The following CSMD1 variants were observed in gnomAD, a reference collection of about 807,000 sequenced individuals.
The protein encoded by CSMD1 is CUB and Sushi multiple domains 1, also known as CUB and sushi domain-containing protein 1.
CSMD1 carries 213 observed loss-of-function variants against 417.5 expected under a neutral mutation model. The ratio of observed to expected loss-of-function variants is 0.51; its 90% CI spans 0.46 to 0.57. CSMD1 has a LOEUF of 0.57. Ranked by LOEUF, CSMD1 falls within the 20% of genes least tolerant of loss-of-function variation. The pLI, the probability that CSMD1 is intolerant of heterozygous loss-of-function variation, is 0.00. For synonymous variants in CSMD1, 2,862 were observed against 1,736.8 expected, an observed-to-expected ratio of 1.65 and a Z score of -16.11; for missense variants, 6,923 against 4,529.7, an observed-to-expected ratio of 1.53 and a Z score of -15.17.
In CSMD1 at chr8:3,047,041, C is replaced by T. The variant is rs748505866; in HGVS notation, c.7660+5421G>A. Reference sequence around the variant, plus strand: ...TGGCCAACATGGTGAAACCCTGTCTCTTCTAAAAATACAAAAATTAGCTGG... The same window carrying T: ...TGGCCAACATGGTGAAACCCTGTCTTTTCTAAAAATACAAAAATTAGCTGG... On this transcript the variant is annotated intron_variant, in intron 50 of 69. Coordinates refer to ENST00000635120, the MANE Select transcript of CSMD1 (RefSeq NM_033225.6). Among the ~76,000 whole-genome samples the T allele has an allele frequency of 7.6e-4, 116 of 151,950 alleles. 1 individual carries two copies. Among genetic ancestry groups the T allele is most frequent in the Non-Finnish European group, 1.8e-4 (12 of 67,984 alleles).
intron 5 of CSMD1, among the ~76,000 whole-genome samples, chr8:3,852,066 T>G (rs751353720): frequency 4.6e-5 from 7 of 152,178 alleles, no homozygotes; most frequent in Non-Finnish European, 1.0e-4. Flanking sequence ...TGAGGCAGAC[T>G]GGAGGAGATC....
At chr8:4,458,475 G>T (rs1157784967) in intron 2 of CSMD1, among the ~76,000 whole-genome samples, 1 of 152,066 alleles carries the variant, frequency 6.6e-6, no homozygotes, top group Non-Finnish European at 1.5e-5. Context: ...AACTACTATT[G>T]CTAAGCATGC....
At chr8:3,857,046 T>C (rs1345431153) in intron 5 of CSMD1, among the ~76,000 whole-genome samples, 1 of 152,176 alleles carries the variant, frequency 6.6e-6, no homozygotes, top group Non-Finnish European at 1.5e-5. Context: ...CGAGGGCTTC[T>C]TGTATATCCC....
At chr8:3,142,251 G>A (rs1818549246) in intron 41 of CSMD1, among the ~76,000 whole-genome samples, 1 of 152,162 alleles carries the variant, frequency 6.6e-6, no homozygotes. Flanking sequence ...CTGGGCAGCA[G>A]AAAAGGCGAA....
Position 4,914,958 on chromosome 8 carries a change from A to T in CSMD1, c.85+79374T>A, listed in dbSNP as rs182043944. Reference sequence around the variant, plus strand: ...CAAAGAAAATGATGATGATGATGAAACGCATTCCGTTTCATGTGAAATTAC... The same window carrying T: ...CAAAGAAAATGATGATGATGATGAATCGCATTCCGTTTCATGTGAAATTAC... On this transcript the variant is annotated intron_variant, in intron 1 of 69. Transcript: ENST00000635120. Among the ~76,000 whole-genome samples the T allele has an allele frequency of 3.2e-3, 492 of 152,276 alleles. 7 individuals are homozygous for T. Among genetic ancestry groups the T allele is most frequent in the African/African-American group, 0.011 (461 of 41,544 alleles).
At chr8:4,988,102 T>G (rs764408956) in intron 1 of CSMD1, among the ~76,000 whole-genome samples, 1 of 152,182 alleles carries the variant, frequency 6.6e-6, no homozygotes, top group African/African-American at 2.4e-5. Context: ...ACTAATACAG[T>G]GAAAAAAACT....
At chr8:4,679,169 A>G (rs1404692040) in intron 1 of CSMD1, among the ~76,000 whole-genome samples, 2 of 152,102 alleles carry the variant, frequency 1.3e-5, no homozygotes, top group African/African-American at 4.8e-5. Flanking sequence ...CCACAACGCA[A>G]GTTCTATTGA....
At chr8:3,118,959 T>C (rs1406306411) in intron 41 of CSMD1, among the ~76,000 whole-genome samples, 1 of 152,124 alleles carries the variant, frequency 6.6e-6, no homozygotes, top group Non-Finnish European at 1.5e-5. Flanking sequence ...GGCGGGAGGA[T>C]CACGAGGTCA....
intron 12 of CSMD1, among the ~76,000 whole-genome samples, chr8:3,452,145 G>A (rs990564392): frequency 4.6e-5 from 7 of 152,308 alleles, no homozygotes; most frequent in Admixed American, 3.3e-4. Flanking sequence ...AAGAATGCTT[G>A]TGATTTTTGC....
chr8:4,389,505 A>G (rs1353975632), intron 3 of CSMD1, among the ~76,000 whole-genome samples: 1 of 152,178 alleles, frequency 6.6e-6, no homozygotes, highest in Non-Finnish European at 1.5e-5. Flanking sequence ...GAAAAATACA[A>G]AGGATAATAT....
At chr8:3,677,195 G>A (rs1054540819) in intron 7 of CSMD1, among the ~76,000 whole-genome samples, 1 of 151,944 alleles carries the variant, frequency 6.6e-6, no homozygotes, top group African/African-American at 2.4e-5. Flanking sequence ...ACGTATATAA[G>A]ACTTATAGAA....
At chr8:4,170,578 G>A (rs1475981764) in intron 3 of CSMD1, among the ~76,000 whole-genome samples, 1 of 151,874 alleles carries the variant, frequency 6.6e-6, no homozygotes, top group Non-Finnish European at 1.5e-5. Flanking sequence ...GAAAACCTTA[G>A]CAGTACACTT....
Position 3,107,765 on chromosome 8 carries a change from G to A in CSMD1, c.6788C>T (p.Ala2263Val), listed in dbSNP as rs778214822. The A allele has an allele frequency of 1.6e-5, 26 of 1,587,098 alleles. No homozygotes were observed. The highest frequency in any genetic ancestry group is 5.8e-5 in the South Asian group (5 of 86,174). The change falls in exon 45 of 70, where the codon GCG (alanine) becomes GTG (valine). Residue 2263 changes from alanine to valine, a missense_variant. Coordinates refer to ENST00000635120, the MANE Select transcript of CSMD1 (RefSeq NM_033225.6). ...FQLKKCQPPPAVPQAEMLTED... is the reference protein window; with the variant it reads ...FQLKKCQPPPVVPQAEMLTED... ...AGTAAGCATTTCTGCCTGTGGAACCGCTGGGGGAGGTTGACATTTCTTGAG... is the reference window on the plus strand; with the variant it reads ...AGTAAGCATTTCTGCCTGTGGAACCACTGGGGGAGGTTGACATTTCTTGAG...
intron 3 of CSMD1, among the ~76,000 whole-genome samples, chr8:4,308,186 T>C (rs1798353353): frequency 6.6e-6 from 1 of 152,156 alleles, no homozygotes; most frequent in South Asian, 2.1e-4. Flanking sequence ...CTCTGTGAGT[T>C]AGGAGGTGAA....
intron 3 of CSMD1, among the ~76,000 whole-genome samples, chr8:4,303,929 G>T (rs979468968): frequency 6.6e-6 from 1 of 152,062 alleles, no homozygotes; most frequent in African/African-American, 2.4e-5. Flanking sequence ...CTTTTCTAAA[G>T]AAAGGATAAG....
At position 4,364,627 on chromosome 8, in the gene CSMD1, A is replaced by T. The variant is rs1322793156; in HGVS notation, c.415+55326T>A. Among the ~76,000 whole-genome samples the T allele has an allele frequency of 2.8e-5, 2 of 71,744 alleles. 1 individual carries two copies. The highest frequency in any genetic ancestry group is 2.0e-4 in the African/African-American group (2 of 10,034). The allele number at this position is 71,744 out of a possible 152,430, so 47.1% of individuals were successfully genotyped here. On this transcript the variant is annotated intron_variant, in intron 3 of 69. Coordinates refer to ENST00000635120, the MANE Select transcript of CSMD1 (RefSeq NM_033225.6). ...ATCACGAGGTCAGGAGATCGAGACC[A>T]TCCCGGCTAAAACGGTGAAACCCCG...
intron 3 of CSMD1, among the ~76,000 whole-genome samples, chr8:4,349,181 G>T (rs575488649): frequency 3.9e-5 from 6 of 152,274 alleles, no homozygotes; most frequent in African/African-American, 1.4e-4. Context: ...TTTCATCAGA[G>T]AACTAAGTGA....
chr8:3,789,225 C>G lies in CSMD1; in HGVS notation c.819-35183G>C, dbSNP rs1050268105. On this transcript the variant is annotated intron_variant, in intron 5 of 69. Coordinates refer to ENST00000635120, the MANE Select transcript of CSMD1 (RefSeq NM_033225.6). ...CTGTGTATGAGCAAGATAGTGGGCCCTCACCAGACACAAAATATGCCTTGG... is the reference window on the plus strand; with the variant it reads ...CTGTGTATGAGCAAGATAGTGGGCCGTCACCAGACACAAAATATGCCTTGG... Among the ~76,000 whole-genome samples the G allele has an allele frequency of 1.3e-5, 2 of 152,156 alleles. 1 individual carries two copies. The highest frequency in any genetic ancestry group is 1.3e-4 in the Admixed American group (2 of 15,278).
In CSMD1 at chr8:4,513,029, T is replaced by A. The variant is rs1692371895; in HGVS notation, c.303-92964A>T. ...GAAGGATTAATAAGCAGAGCACAGATAATTAAACAATGAAAATTATCTGTA... is the reference window on the plus strand; with the variant it reads ...GAAGGATTAATAAGCAGAGCACAGAAAATTAAACAATGAAAATTATCTGTA... On this transcript the variant is annotated intron_variant, in intron 2 of 69. Transcript: ENST00000635120. Among the ~76,000 whole-genome samples the A allele has an allele frequency of 2.0e-5, 3 of 152,170 alleles. No homozygotes were observed. In the South Asian group the frequency reaches 6.2e-4, roughly 31 times the overall value.
Sources: allele counts gnomAD v4.1 joint callset (sites outside exome capture counted in the v4.1 genomes callset), GRCh38; gene constraint gnomAD v4.1.1; transcripts MANE v1.5; gene names NCBI Gene and HGNC (gene_info 2026-07-23, HGNC 2026-07-21).